COL14A1: variants seen among roughly 807,000 people sequenced by gnomAD.
COL14A1 encodes the protein collagen type XIV alpha 1 chain.
Under a neutral mutation model 230.3 loss-of-function variants are expected in COL14A1, and 136 were observed. That is an observed-to-expected ratio of 0.59 (90% CI 0.51 to 0.68). The LOEUF is 0.68. Among genes scored for constraint, COL14A1 ranks in the 30% least tolerant of loss-of-function variants. The probability of loss-of-function intolerance (pLI) is 0.00; values close to 1 mark genes in which losing one functional copy is unlikely to be tolerated. For synonymous variants in COL14A1, 792 were observed against 784.1 expected (o/e 1.01, Z -0.17); for missense variants, 1,976 against 2,215.8 (o/e 0.89, Z 2.17).
intron 4 of COL14A1, among the ~76,000 whole-genome samples, chr8:120,164,310 G>A (rs566386887): frequency 1.7e-4 from 26 of 152,126 alleles, no homozygotes; most frequent in Non-Finnish European, 3.5e-4. Flanking sequence ...TTAAACAATA[G>A]CTTTTAAAAT....
At chr8:120,341,052 A>G (rs1490920775) in intron 42 of COL14A1, among the ~76,000 whole-genome samples, 1 of 152,204 alleles carries the variant, frequency 6.6e-6, no homozygotes, top group Non-Finnish European at 1.5e-5. Context: ...TATGTGTTAC[A>G]AAGCAATATT....
intron 9 of COL14A1, among the ~76,000 whole-genome samples, chr8:120,205,971 T>C (rs1255496904): frequency 6.6e-6 from 1 of 152,236 alleles, no homozygotes; most frequent in African/African-American, 2.4e-5. Flanking sequence ...AATCATTTGC[T>C]TTAACATGTG....
At chr8:120,188,614 T>C (rs1462067041) in intron 5 of COL14A1, among the ~76,000 whole-genome samples, 1 of 152,234 alleles carries the variant, frequency 6.6e-6, no homozygotes, top group Non-Finnish European at 1.5e-5. Flanking sequence ...TTCAGCTGCT[T>C]AGGCATTTTT....
upstream of COL14A1, chr8:120,124,997 G>A (rs1003167459): frequency 2.6e-5 from 4 of 152,402 alleles, no homozygotes; most frequent in Admixed American, 2.6e-4. Context: ...AGGAGGAGGA[G>A]AGAAAGTGGG....
intron 1 of COL14A1, among the ~76,000 whole-genome samples, chr8:120,132,647 G>A (rs920680881): frequency 6.6e-6 from 1 of 151,058 alleles, no homozygotes; most frequent in Non-Finnish European, 1.5e-5. Context: ...TTTGGGTAAC[G>A]TTCTTTTTTT....
intron 40 of COL14A1, among the ~76,000 whole-genome samples, chr8:120,327,420 C>T (rs1361204969): frequency 6.6e-6 from 1 of 152,216 alleles, no homozygotes. Context: ...TAACTCACTA[C>T]TCTACCTAAC....
At chr8:120,247,583 T>A in intron 20 of COL14A1, 30 bp from the exon 21 acceptor site, 1 of 1,599,674 alleles carries the variant, frequency 6.3e-7, no homozygotes, top group South Asian at 1.1e-5. Flanking sequence ...TTACACTGAA[T>A]CCCTGTTTTT....
chr8:120,225,281 G>C (rs1818060953), intron 15 of COL14A1, 67 bp downstream of exon 15: 24 of 1,337,936 alleles, frequency 1.8e-5, no homozygotes, highest in Non-Finnish European at 2.4e-5. Context: ...ACCAGAACCT[G>C]GAGCACCTTC....
chr8:120,179,718 C>A (rs1321076035), intron 5 of COL14A1, among the ~76,000 whole-genome samples: 1 of 151,968 alleles, frequency 6.6e-6, no homozygotes, highest in Non-Finnish European at 1.5e-5. Context: ...TCATATGGAA[C>A]CAAAAAAAAG....
intron 23 of COL14A1, 64 bp from the exon 24 acceptor site, chr8:120,262,804 C>A: frequency 1.3e-6 from 2 of 1,514,238 alleles, no homozygotes; most frequent in East Asian, 2.3e-5. Context: ...AAATCATCTG[C>A]CAATGGCTGT....
At chr8:120,310,410 T>A (rs777849225) in intron 37 of COL14A1, among the ~76,000 whole-genome samples, 2 of 152,142 alleles carry the variant, frequency 1.3e-5, no homozygotes, top group African/African-American at 4.8e-5. Context: ...GAACCACAAT[T>A]TGGTATTAGT....
chr8:120,167,159 A>G (rs1815927457), intron 4 of COL14A1, among the ~76,000 whole-genome samples: 2 of 152,212 alleles, frequency 1.3e-5, no homozygotes, highest in South Asian at 4.2e-4. Context: ...GAGTGACATG[A>G]CCTTGGCAAA....
chr8:120,312,442 CT>C (rs1269476053), intron 37 of COL14A1, among the ~76,000 whole-genome samples: 3 of 152,264 alleles, frequency 2.0e-5, no homozygotes, highest in Non-Finnish European at 2.9e-5. Flanking sequence ...TCAAACACTT[CT>C]TTGTTTGAAA....
intron 40 of COL14A1, among the ~76,000 whole-genome samples, chr8:120,319,516 G>T (rs1052670221): frequency 2.6e-5 from 4 of 152,004 alleles, no homozygotes; most frequent in Non-Finnish European, 5.9e-5. Flanking sequence ...AACTTAAAGC[G>T]CAAACCAGGT....
rs77114659 is a variant in COL14A1 at position 120,244,843 on chromosome 8, A to G, written c.2479+835A>G. 5.5e-3 allele frequency among the ~76,000 whole-genome samples: 842 copies of G among 152,320 alleles called. 16 individuals are homozygous for G. The highest frequency in any genetic ancestry group is 0.026 in the Admixed American group (401 of 15,302). On this transcript the variant is annotated intron_variant, in intron 20 of 47. Transcript: ENST00000297848. ...AGCAGCTTGAGGAGGTTTTCAGCAG[A>G]TAAATGATCTGCACCTCTGTTTTAG...
Position 120,168,163 on chromosome 8 carries a change from A to C in COL14A1, c.352A>C (p.Lys118Gln). 1 of 1,605,850 alleles carries C rather than the reference A, an allele frequency of 6.2e-7. No homozygotes were observed. The highest frequency in any genetic ancestry group is 8.5e-7 in the Non-Finnish European group (1 of 1,173,826). ...CTGTATCTCTACTTTTCTTCCAGTT[A>C]AAGATTTAGAAAAAAGAAAGGATCC... ...SKPAQGQFRI[K>Q]DLEKRKDPKP... Residue 118 changes from lysine to glutamine, a missense_variant and splice_region_variant, in exon 5 of 48, where the codon AAA (lysine) becomes CAA (glutamine). By Grantham distance (53) the Lys-to-Gln change is moderately conservative (BLOSUM62 1). Coordinates refer to ENST00000297848, the MANE Select transcript of COL14A1 (RefSeq NM_021110.4).
chr8:120,275,068 G>A (rs138423751), intron 26 of COL14A1, among the ~76,000 whole-genome samples: 2,968 of 151,862 alleles, frequency 0.02, 97 homozygotes, highest in African/African-American at 0.068. Flanking sequence ...AAATCTGGAG[G>A]CATCACATTA....
intron 40 of COL14A1, among the ~76,000 whole-genome samples, chr8:120,328,469 C>T (rs564167893): frequency 2.7e-5 from 4 of 150,536 alleles, no homozygotes; most frequent in African/African-American, 7.3e-5. Flanking sequence ...TGGGCTCAAG[C>T]GATCCTTTTG....
intron 42 of COL14A1, among the ~76,000 whole-genome samples, chr8:120,335,822 A>G (rs573962941): frequency 6.6e-6 from 1 of 152,308 alleles, no homozygotes; most frequent in African/African-American, 2.4e-5. Context: ...CAGTTGTTAG[A>G]GAGTGATAAA....
Sources: allele counts gnomAD v4.1 joint callset (sites outside exome capture counted in the v4.1 genomes callset), GRCh38; gene constraint gnomAD v4.1.1; transcripts MANE v1.5; gene names NCBI Gene and HGNC (gene_info 2026-07-23, HGNC 2026-07-21).